The following IQCM variants were observed in gnomAD, a reference collection of about 807,000 sequenced individuals.
IQCM encodes the protein IQ domain-containing protein M.
IQCM carries 45 observed loss-of-function variants against 57.6 expected under a neutral mutation model. That is an observed-to-expected ratio of 0.78 (90% CI 0.62 to 1.00). The LOEUF (loss-of-function observed/expected upper bound fraction) is 1.00, where lower values mean the gene tolerates loss of function less well. Among genes scored for constraint, IQCM ranks in the 50% least tolerant of loss-of-function variants. The pLI is 0.00. For missense variants in IQCM, 468 were observed against 511.6 expected, an observed-to-expected ratio of 0.91 and a Z score of 0.82; for synonymous variants, 148 against 158.9, an observed-to-expected ratio of 0.93 and a Z score of 0.51.
At chr4:149,531,054 A>G (rs1461149380) in intron 12 of IQCM, among the ~76,000 whole-genome samples, 1 of 152,138 alleles carries the variant, frequency 6.6e-6, no homozygotes, top group African/African-American at 2.4e-5. Context: ...TCATGTATAT[A>G]TTCAATATAA....
At chr4:149,815,549 A>T (rs547209609) in intron 1 of IQCM, 51 bp downstream of exon 1, 4 of 152,008 alleles carry the variant, frequency 2.6e-5, no homozygotes, top group Non-Finnish European at 4.4e-5. Context: ...TTTTTATAAG[A>T]AACAGATAAT....
At chr4:149,494,820 C>A (rs777218124) in intron 12 of IQCM, among the ~76,000 whole-genome samples, 6 of 152,062 alleles carry the variant, frequency 3.9e-5, no homozygotes, top group Non-Finnish European at 7.4e-5. Context: ...TTATTCAAAG[C>A]ACAGTAGTCA....
chr4:149,619,225 T>C (rs1351727130), intron 8 of IQCM, among the ~76,000 whole-genome samples: 3 of 151,490 alleles, frequency 2.0e-5, no homozygotes, highest in Non-Finnish European at 4.4e-5. Context: ...CTAAGCGAAA[T>C]GACTCCGAAG....
At chr4:149,595,332 T>G (rs979104809) in intron 8 of IQCM, among the ~76,000 whole-genome samples, 4 of 152,162 alleles carry the variant, frequency 2.6e-5, no homozygotes, top group African/African-American at 9.7e-5. Flanking sequence ...ATCCCTTTAT[T>G]TTTTAAGTAG....
chr4:149,476,014 T>A (rs966623404), intron 12 of IQCM, among the ~76,000 whole-genome samples: 2 of 152,080 alleles, frequency 1.3e-5, no homozygotes, highest in African/African-American at 4.8e-5. Context: ...GTGAAGGTTT[T>A]TTAAGATGGG....
intron 5 of IQCM, among the ~76,000 whole-genome samples, chr4:149,702,190 G>C (rs1259983306): frequency 6.6e-6 from 1 of 151,542 alleles, no homozygotes; most frequent in Non-Finnish European, 1.5e-5. Flanking sequence ...GATATTCACT[G>C]GCTCTTACAA....
intron 2 of IQCM, among the ~76,000 whole-genome samples, chr4:149,754,334 C>T (rs912096317): frequency 1.3e-5 from 2 of 152,152 alleles, no homozygotes; most frequent in Admixed American, 6.5e-5. Context: ...GGGGAGTCTT[C>T]GCTAGACTGC....
At chr4:149,521,039 C>G (rs1016686698) in intron 12 of IQCM, among the ~76,000 whole-genome samples, 1 of 152,166 alleles carries the variant, frequency 6.6e-6, no homozygotes, top group African/African-American at 2.4e-5. Context: ...CTAACCCACT[C>G]TTTTCTGCAG....
At chr4:149,726,128 A>AAAGG (rs1765906180) in intron 5 of IQCM, among the ~76,000 whole-genome samples, 1 of 140,834 alleles carries the variant, frequency 7.1e-6, no homozygotes, top group African/African-American at 2.6e-5. Context: ...AGAAAGAAAG[A>AAAGG]AAGAAAGAAA....
intron 12 of IQCM, among the ~76,000 whole-genome samples, chr4:149,507,563 AC>A: frequency 6.6e-6 from 1 of 152,284 alleles, no homozygotes; most frequent in East Asian, 1.9e-4. Context: ...GATTTGTGGA[AC>A]TTTGAACTTG....
chr4:149,582,883 G>T (rs1752337921), intron 9 of IQCM, among the ~76,000 whole-genome samples: 1 of 151,034 alleles, frequency 6.6e-6, no homozygotes, highest in Non-Finnish European at 1.5e-5. Flanking sequence ...TTTTAAGATT[G>T]TTTTGAGATA....
At chr4:149,802,780 T>C (rs1029903756) in intron 2 of IQCM, among the ~76,000 whole-genome samples, 2 of 152,020 alleles carry the variant, frequency 1.3e-5, no homozygotes, top group African/African-American at 4.8e-5. Context: ...AAAAATTCTT[T>C]ATGTAGTCAG....
chr4:149,602,477 C>T (rs891130373), intron 8 of IQCM, among the ~76,000 whole-genome samples: 10 of 152,090 alleles, frequency 6.6e-5, no homozygotes, highest in African/African-American at 2.2e-4. Flanking sequence ...CAAAAACTTA[C>T]CCTCTTTTAT....
chr4:149,520,742 G>A (rs1579348463), intron 12 of IQCM, among the ~76,000 whole-genome samples: 1 of 152,104 alleles, frequency 6.6e-6, no homozygotes, highest in South Asian at 2.1e-4. Flanking sequence ...TCTGGATAAT[G>A]CCAAGACATC....
chr4:149,614,882 A>G (rs1755646646), intron 8 of IQCM, among the ~76,000 whole-genome samples: 1 of 152,180 alleles, frequency 6.6e-6, no homozygotes, highest in Non-Finnish European at 1.5e-5. Context: ...AGCTCCTCCC[A>G]GTGACACCTT....
intron 2 of IQCM, among the ~76,000 whole-genome samples, chr4:149,743,488 CA>C (rs34884957): frequency 0.42 from 64,466 of 151,928 alleles, 15,105 homozygotes; most frequent in Middle Eastern, 0.56. Context: ...TAGTCCTATA[CA>C]TTCCCAGTTA....
At chr4:149,800,711 GA>G (rs1379059910) in intron 2 of IQCM, among the ~76,000 whole-genome samples, 1 of 151,790 alleles carries the variant, frequency 6.6e-6, no homozygotes, top group Non-Finnish European at 1.5e-5. Flanking sequence ...AGAGCAATAT[GA>G]AAAATGGATC....
rs148210922 is a variant in IQCM at position 149,602,506 on chromosome 4, C to T, written c.682-14509G>A. Among the ~76,000 whole-genome samples, 414 of 152,180 alleles carry T rather than the reference C, an allele frequency of 2.7e-3. 3 individuals are homozygous for T. The highest frequency in any genetic ancestry group is 7.9e-3 in the African/African-American group (330 of 41,548). On this transcript the variant is annotated intron_variant, in intron 8 of 13. Coordinates refer to ENST00000636793, the MANE Select transcript of IQCM (RefSeq NM_001363507.2). ...CTTTTATTAATTGCTAAAATGTCCA[C>T]GGCCAAATTTATGGCCTTCTTATTA...
At chr4:149,414,766 C>G (rs1469129441) in intron 13 of IQCM, among the ~76,000 whole-genome samples, 1 of 151,156 alleles carries the variant, frequency 6.6e-6, no homozygotes, top group Admixed American at 6.6e-5. Flanking sequence ...AACAATATAC[C>G]TATTTAAGAA....
Sources: allele counts gnomAD v4.1 joint callset (sites outside exome capture counted in the v4.1 genomes callset), GRCh38; gene constraint gnomAD v4.1.1; transcripts MANE v1.5; gene names NCBI Gene and HGNC (gene_info 2026-07-23, HGNC 2026-07-21).